The following LGSN variants were observed in gnomAD, a reference collection of about 807,000 sequenced individuals.
LGSN encodes lengsin.
A neutral mutation model predicts 19.5 loss-of-function variants in LGSN; 21 were observed. The observed-to-expected ratio is 1.07, with a 90% confidence interval of 0.76 to 1.55. The LOEUF is 1.55. Among genes scored for constraint, LGSN ranks in the 40% most tolerant of loss-of-function variants. The pLI is 0.00. For synonymous variants in LGSN, 257 were observed against 215.6 expected, an observed-to-expected ratio of 1.19 and a Z score of -1.68; for missense variants, 673 against 608.5, an observed-to-expected ratio of 1.11 and a Z score of -1.12.
At chr6:63,519,271 CA>C in the LGSN span, among the ~76,000 whole-genome samples, 2 of 151,898 alleles carry the variant, frequency 1.3e-5, no homozygotes, top group South Asian at 2.1e-4. Flanking sequence ...CACACCATTG[CA>C]CTCCAGCCTG....
intron 1 of LGSN, among the ~76,000 whole-genome samples, chr6:63,309,106 G>A (rs1214743330): frequency 6.6e-6 from 1 of 152,154 alleles, no homozygotes; most frequent in African/African-American, 2.4e-5. Context: ...AAATACACGT[G>A]GCAATTCTTT....
chr6:63,343,949 A>T, the LGSN span, among the ~76,000 whole-genome samples: 1 of 152,158 alleles, frequency 6.6e-6, no homozygotes, highest in Non-Finnish European at 1.5e-5. Context: ...CTAGAAGCTG[A>T]GGGCAGCCCC....
At chr6:63,550,649 G>T in the LGSN span, among the ~76,000 whole-genome samples, 1 of 152,132 alleles carries the variant, frequency 6.6e-6, no homozygotes, top group Admixed American at 6.6e-5. Flanking sequence ...AATTGAGACA[G>T]GGTCTCCCTC....
chr6:63,507,765 C>A, the LGSN span, among the ~76,000 whole-genome samples: 2 of 152,276 alleles, frequency 1.3e-5, no homozygotes, highest in East Asian at 1.9e-4. Flanking sequence ...TTGTTTCTTA[C>A]AGCCAAAGAA....
At chr6:63,505,444 G>A in the LGSN span, among the ~76,000 whole-genome samples, 2 of 150,434 alleles carry the variant, frequency 1.3e-5, no homozygotes, top group African/African-American at 2.4e-5. Context: ...CAGGTGTGGC[G>A]GCACATACCT....
At chr6:63,385,434 C>A in the LGSN span, among the ~76,000 whole-genome samples, 2 of 152,186 alleles carry the variant, frequency 1.3e-5, no homozygotes, top group Non-Finnish European at 2.9e-5. Flanking sequence ...TCCCTGATTT[C>A]TTTAAGCTGT....
At chr6:63,338,311 G>T in the LGSN span, among the ~76,000 whole-genome samples, 1 of 152,176 alleles carries the variant, frequency 6.6e-6, no homozygotes, top group Non-Finnish European at 1.5e-5. Context: ...TAAGAGTAGG[G>T]TTTGGGTTGG....
the LGSN span, among the ~76,000 whole-genome samples, chr6:63,372,500 GA>G: frequency 6.6e-6 from 1 of 152,192 alleles, no homozygotes; most frequent in African/African-American, 2.4e-5. Context: ...AAGAGGGGGG[GA>G]AATAATGATT....
the LGSN span, among the ~76,000 whole-genome samples, chr6:63,338,178 G>A: frequency 6.6e-6 from 1 of 152,082 alleles, no homozygotes. Context: ...GAGCCACCGT[G>A]CCCAGCCAGA....
the LGSN span, among the ~76,000 whole-genome samples, chr6:63,459,937 A>G: frequency 6.6e-6 from 1 of 151,806 alleles, no homozygotes; most frequent in African/African-American, 2.4e-5. Context: ...TTTTCTGATC[A>G]CCTAATAATG....
At chr6:63,408,388 T>C in the LGSN span, among the ~76,000 whole-genome samples, 1 of 147,230 alleles carries the variant, frequency 6.8e-6, no homozygotes, top group Admixed American at 6.8e-5. Context: ...TATCTACAAC[T>C]ATCTGATCTT....
chr6:63,327,440 C>T, the LGSN span, among the ~76,000 whole-genome samples: 6 of 152,176 alleles, frequency 3.9e-5, no homozygotes, highest in African/African-American at 1.4e-4. Flanking sequence ...CGCTGGGCGG[C>T]ATCTCATGCT....
the LGSN span, among the ~76,000 whole-genome samples, chr6:63,515,510 C>T: frequency 3.7e-4 from 56 of 152,240 alleles, no homozygotes; most frequent in Middle Eastern, 6.8e-3. Flanking sequence ...AGATTATAGG[C>T]GTGAGCCACC....
At chr6:63,281,324 T>G (rs1301545043) in intron 3 of LGSN, 104 bp from the exon 4 acceptor site, 2 of 168,454 alleles carry the variant, frequency 1.2e-5, no homozygotes, top group African/African-American at 4.9e-5. Flanking sequence ...TATATATATA[T>G]ATATATAATA....
the LGSN span, among the ~76,000 whole-genome samples, chr6:63,413,533 T>C: frequency 6.5e-4 from 99 of 152,176 alleles, no homozygotes; most frequent in Non-Finnish European, 9.3e-4. Flanking sequence ...AAGTGGATCA[T>C]TGGGCTAGAA....
At chr6:63,502,912 C>T in the LGSN span, among the ~76,000 whole-genome samples, 72 of 152,308 alleles carry the variant, frequency 4.7e-4, no homozygotes, top group East Asian at 0.012. Flanking sequence ...AGCTAGAAGA[C>T]GATCTATGCT....
At chr6:63,412,750 AG>A in the LGSN span, among the ~76,000 whole-genome samples, 2,653 of 90,848 alleles carry the variant, frequency 0.029, 70 homozygotes, top group Non-Finnish European at 0.037. Flanking sequence ...AAAGAAAGAA[AG>A]AAAGAAAGAA....
At chr6:63,405,731 C>A in the LGSN span, among the ~76,000 whole-genome samples, 1 of 152,062 alleles carries the variant, frequency 6.6e-6, no homozygotes, top group African/African-American at 2.4e-5. Context: ...CACAGACTGG[C>A]AAATTGGATA....
At chr6:63,423,478 A>G in the LGSN span, among the ~76,000 whole-genome samples, 1 of 151,930 alleles carries the variant, frequency 6.6e-6, no homozygotes, top group Non-Finnish European at 1.5e-5. Flanking sequence ...TCTACCAAAA[A>G]AAAAAAAAAA....
Sources: allele counts gnomAD v4.1 joint callset (sites outside exome capture counted in the v4.1 genomes callset), GRCh38; gene constraint gnomAD v4.1.1; transcripts MANE v1.5; gene names NCBI Gene and HGNC (gene_info 2026-07-23, HGNC 2026-07-21).